Variants in SDK1 observed in about 807,000 individuals in gnomAD.
The protein encoded by SDK1 is protein sidekick-1.
SDK1 carries 157 observed loss-of-function variants against 245.5 expected under a neutral mutation model. That is an observed-to-expected ratio of 0.64 (90% CI 0.56 to 0.73). The LOEUF is 0.73. Among genes scored for constraint, SDK1 ranks in the 30% least tolerant of loss-of-function variants. The pLI is 0.00. For missense variants in SDK1, 3,583 were observed against 3,002.3 expected (o/e 1.19, Z -4.52); for synonymous variants, 1,647 against 1,278.5 (o/e 1.29, Z -6.15).
Position 4,268,974 on chromosome 7 carries a change from A to C in SDK1, c.*3590A>C, listed in dbSNP as rs151182323. On this transcript the variant is annotated 3_prime_UTR_variant, in exon 45 of 45. Transcript: ENST00000404826. ...GAGAGGTGCTATGGGTACAATTTTTAATAAAAACATTATTTTGTTCCTTAA... is the reference window on the plus strand; with the variant it reads ...GAGAGGTGCTATGGGTACAATTTTTCATAAAAACATTATTTTGTTCCTTAA... The C allele has an allele frequency of 5.6e-4, 157 of 279,818 alleles. No individual in the cohort carries two copies. Among genetic ancestry groups the C allele is most frequent in the African/African-American group, 3.3e-3 (149 of 45,304 alleles). 17.3% of individuals were successfully genotyped at this position (279,818 alleles called of 1,614,324 possible).
At chr7:3,840,755 C>A (rs915235882) in intron 5 of SDK1, among the ~76,000 whole-genome samples, 1 of 152,210 alleles carries the variant, frequency 6.6e-6, no homozygotes, top group African/African-American at 2.4e-5. Flanking sequence ...CAGAGCTACT[C>A]GCAGTATGAT....
chr7:3,931,946 C>T (rs1260392507), intron 5 of SDK1, among the ~76,000 whole-genome samples: 1 of 152,164 alleles, frequency 6.6e-6, no homozygotes, highest in African/African-American at 2.4e-5. Context: ...TCATGCTGGG[C>T]ATCACCCTGC....
chr7:4,206,079 C>G (rs1784207055), intron 36 of SDK1, 85 bp downstream of exon 36: 6 of 865,956 alleles, frequency 6.9e-6, no homozygotes, highest in Non-Finnish European at 1.1e-5. Flanking sequence ...TTGCCAGCAG[C>G]AGACCCCGCA....
At chr7:3,504,168 TTATA>T (rs540962515) in intron 1 of SDK1, among the ~76,000 whole-genome samples, 2 of 109,974 alleles carry the variant, frequency 1.8e-5, no homozygotes, top group African/African-American at 3.4e-5. Context: ...ACCAAAAAAA[TTATA>T]TATATATATA....
intron 1 of SDK1, among the ~76,000 whole-genome samples, chr7:3,560,539 C>T (rs764160702): frequency 4.3e-4 from 66 of 152,080 alleles, no homozygotes; most frequent in African/African-American, 1.1e-3. Context: ...ACCAATCTGC[C>T]GCCATTGTCT....
At chr7:3,302,280 C>G (rs923847872) in intron 1 of SDK1, 1 of 152,270 alleles carries the variant, frequency 6.6e-6, no homozygotes, top group African/African-American at 2.4e-5. Flanking sequence ...ATCCAGAAGA[C>G]TTGGAAATAT....
chr7:3,578,286 A>C (rs1780365693), intron 1 of SDK1, among the ~76,000 whole-genome samples: 1 of 152,022 alleles, frequency 6.6e-6, no homozygotes, highest in African/African-American at 2.4e-5. Flanking sequence ...TTAAGGATTA[A>C]GGGGAGGGGG....
intron 5 of SDK1, among the ~76,000 whole-genome samples, chr7:3,884,842 C>T (rs1449098703): frequency 1.3e-5 from 2 of 152,222 alleles, no homozygotes; most frequent in African/African-American, 4.8e-5. Flanking sequence ...TACTGAATTA[C>T]AGATTAGCTG....
intron 4 of SDK1, among the ~76,000 whole-genome samples, chr7:3,786,168 C>T (rs1780893876): frequency 6.6e-6 from 1 of 152,108 alleles, no homozygotes; most frequent in East Asian, 1.9e-4. Flanking sequence ...TTACTCTTTC[C>T]CTTCTTCCTT....
intron 5 of SDK1, among the ~76,000 whole-genome samples, chr7:3,885,541 A>G (rs958508249): frequency 6.6e-6 from 1 of 152,078 alleles, no homozygotes; most frequent in African/African-American, 2.4e-5. Context: ...CCCGTCTAGC[A>G]CCTCAGGCCT....
At chr7:3,422,267 T>C (rs1779554709) in intron 1 of SDK1, among the ~76,000 whole-genome samples, 1 of 152,130 alleles carries the variant, frequency 6.6e-6, no homozygotes, top group Non-Finnish European at 1.5e-5. Context: ...AAACCTGCTA[T>C]TATTCTAACT....
At chr7:4,062,206 C>G (rs1357090500) in intron 19 of SDK1, among the ~76,000 whole-genome samples, 4 of 152,094 alleles carry the variant, frequency 2.6e-5, no homozygotes, top group African/African-American at 9.7e-5. Context: ...AATCAATAAA[C>G]TGCTAGCTAG....
chr7:3,691,675 C>T (rs1424594872), intron 4 of SDK1, among the ~76,000 whole-genome samples: 4 of 152,180 alleles, frequency 2.6e-5, no homozygotes, highest in African/African-American at 9.6e-5. Context: ...CTTGGTTGCA[C>T]AGCACCAACA....
At chr7:3,888,595 C>G (rs913559878) in intron 5 of SDK1, among the ~76,000 whole-genome samples, 2 of 152,148 alleles carry the variant, frequency 1.3e-5, no homozygotes, top group Non-Finnish European at 2.9e-5. Flanking sequence ...CATCACAGAA[C>G]AATAGCAATA....
chr7:3,413,825 C>CA (rs1213676206), intron 1 of SDK1, among the ~76,000 whole-genome samples: 2 of 152,150 alleles, frequency 1.3e-5, no homozygotes, highest in African/African-American at 2.4e-5. Flanking sequence ...GCCATCTCTA[C>CA]AAAAAATTAA....
chr7:3,709,473 C>G (rs555467078), intron 4 of SDK1, among the ~76,000 whole-genome samples: 1 of 152,192 alleles, frequency 6.6e-6, no homozygotes, highest in Non-Finnish European at 1.5e-5. Context: ...TTGCCAGGTT[C>G]CCTGGAGGCA....
Position 3,844,678 on chromosome 7 carries a change from G to A in SDK1, c.847+23095G>A, listed in dbSNP as rs570178073. On this transcript the variant is annotated intron_variant, in intron 5 of 44. Transcript: ENST00000404826. Reference sequence around the variant, plus strand: ...TACACAGAAAAATCCCATTTAAAAAGTGCCACTTAATGTAATACAGACAGC... The same window carrying A: ...TACACAGAAAAATCCCATTTAAAAAATGCCACTTAATGTAATACAGACAGC... 4.6e-5 allele frequency among the ~76,000 whole-genome samples: 7 copies of A among 152,260 alleles called. No homozygotes were observed. In the East Asian group the frequency reaches 1.2e-3, roughly 25 times the overall value.
chr7:3,362,684 A>G (rs1219184988), intron 1 of SDK1, among the ~76,000 whole-genome samples: 1 of 152,228 alleles, frequency 6.6e-6, no homozygotes, highest in Non-Finnish European at 1.5e-5. Flanking sequence ...GTGTGAAATA[A>G]TATTGAAAAT....
chr7:4,141,040 G>A (rs1326478567), intron 28 of SDK1, among the ~76,000 whole-genome samples: 2 of 152,304 alleles, frequency 1.3e-5, no homozygotes, highest in South Asian at 2.1e-4. Flanking sequence ...AGGTCTCCCG[G>A]CTCCCTGCTG....
Sources: allele counts gnomAD v4.1 joint callset (sites outside exome capture counted in the v4.1 genomes callset), GRCh38; gene constraint gnomAD v4.1.1; transcripts MANE v1.5; gene names NCBI Gene and HGNC (gene_info 2026-07-23, HGNC 2026-07-21).